The following MAP7 variants were observed in gnomAD, a reference collection of about 807,000 sequenced individuals.
MAP7 encodes microtubule associated protein 7, also known as ensconsin.
In MAP7, 52 loss-of-function variants were observed where a neutral mutation model predicts 94.8. The ratio of observed to expected loss-of-function variants is 0.55; its 90% CI spans 0.44 to 0.69. The LOEUF is 0.69. Ranked by LOEUF, MAP7 falls within the 30% of genes least tolerant of loss-of-function variation. MAP7 has a pLI of 0.00. For synonymous variants in MAP7, 350 were observed against 357.0 expected, an observed-to-expected ratio of 0.98 and a Z score of 0.22; for missense variants, 940 against 964.6, an observed-to-expected ratio of 0.97 and a Z score of 0.34.
chr6:136,507,488 A>AG (rs1263325337), intron 1 of MAP7, among the ~76,000 whole-genome samples: 2 of 151,738 alleles, frequency 1.3e-5, no homozygotes, highest in Admixed American at 6.5e-5. Flanking sequence ...AAAAAAAAAA[A>AG]AAAAGAAAAA....
At chr6:136,366,122 G>A (rs755877402) in intron 9 of MAP7, 104 bp from the exon 10 acceptor site, 55 of 1,253,228 alleles carry the variant, frequency 4.4e-5, no homozygotes, top group South Asian at 1.2e-4. Flanking sequence ...ATTTAGCTCC[G>A]TGTATTTGTT....
intron 8 of MAP7, among the ~76,000 whole-genome samples, chr6:136,368,824 C>T (rs1342001102): frequency 6.6e-6 from 1 of 152,208 alleles, no homozygotes; most frequent in African/African-American, 2.4e-5. Flanking sequence ...GATGTCACTA[C>T]TACCAAAAGG....
rs752566834 is a variant in MAP7, at chr6:136,362,413, AC to A, written c.1526+36del. 1.9e-6 allele frequency: 3 copies of A among 1,606,452 alleles called. No individual in the cohort carries two copies. The African/African-American group carries it at 4.0e-5, about 21-fold the overall frequency. ...GGGTGATGAGTTAATCCAAAGTATC[AC>A]TGACACCATGGTGTGGAGCAATGTC... On this transcript the variant is annotated intron_variant, in intron 11 of 17. Coordinates refer to ENST00000354570, the MANE Select transcript of MAP7 (RefSeq NM_003980.6).
At position 136,362,614 on chromosome 6, in the gene MAP7, G is replaced by C; in HGVS notation, c.1362C>G (p.Val454=). 1 of 1,613,670 alleles carries C rather than the reference G, an allele frequency of 6.2e-7. No individual in the cohort carries two copies. Among genetic ancestry groups the C allele is most frequent in the Non-Finnish European group, 8.5e-7 (1 of 1,179,870 alleles). The stretch of plus-strand genomic sequence containing the variant: ...CATTCACAGTGGATGACGGGGCTGA[G>C]ACCATGGCTGGGGTGGGGACCGGGG... ...APAPVPTPAM[V]SAPSSTVNAS... The change falls in exon 11 of 18, where the codon GTC becomes GTG. Residue 454 remains valine (V), a synonymous_variant. Transcript: ENST00000354570.
At chr6:136,408,217 C>T (rs1786231801) in intron 3 of MAP7, among the ~76,000 whole-genome samples, 1 of 152,088 alleles carries the variant, frequency 6.6e-6, no homozygotes, top group African/African-American at 2.4e-5. Context: ...GACTTTTCTA[C>T]GTATAAAGCG....
At chr6:136,466,810 T>G in intron 1 of MAP7, 1 of 1,534,788 alleles carries the variant, frequency 6.5e-7, no homozygotes, top group Non-Finnish European at 8.7e-7. Context: ...TTGAATATCC[T>G]GCAACATATC....
rs771999494 is a variant in MAP7, at chr6:136,372,644, G to A, written c.752-19C>T. On this transcript the variant is annotated intron_variant, in intron 7 of 17. Coordinates refer to ENST00000354570, the MANE Select transcript of MAP7 (RefSeq NM_003980.6). ...CAAGATGCTGAACGAGGACAAATGG[G>A]GATAACTAGGGTGCAGGTGATTGGT... is the stretch of plus-strand genomic sequence containing the variant. 6.2e-7 allele frequency: 1 copy of A among 1,614,120 alleles called. No individual in the cohort carries two copies. The highest frequency in any genetic ancestry group is 1.1e-5 in the South Asian group (1 of 91,072).
chr6:136,526,077 C>T, intron 1 of MAP7: 3 of 1,431,594 alleles, frequency 2.1e-6, no homozygotes, highest in Non-Finnish European at 2.7e-6. Flanking sequence ...TTCATTTGAG[C>T]ACTTGTAATA....
intron 1 of MAP7, among the ~76,000 whole-genome samples, chr6:136,465,273 T>C (rs1806605952): frequency 6.6e-6 from 1 of 152,228 alleles, no homozygotes. Context: ...TTTTGACCAA[T>C]TATCTGGATT....
chr6:136,385,974 T>C lies in MAP7; in HGVS notation c.527-2193A>G, dbSNP rs530921715. 2.2e-3 allele frequency among the ~76,000 whole-genome samples: 338 copies of C among 152,266 alleles called. 1 individual carries two copies. Among genetic ancestry groups the C allele is most frequent in the African/African-American group, 7.6e-3 (317 of 41,544 alleles). On this transcript the variant is annotated intron_variant, in intron 5 of 17. Transcript: ENST00000354570. The stretch of plus-strand genomic sequence containing the variant: ...TTAGTAGAGATATGATTTCTCCATG[T>C]TGACCAGGCTGGTCTCGAACTCCTG...
At chr6:136,416,534 G>A (rs530520782) in intron 2 of MAP7, among the ~76,000 whole-genome samples, 40 of 152,254 alleles carry the variant, frequency 2.6e-4, no homozygotes, top group African/African-American at 7.7e-4. Flanking sequence ...AGCCAGGCGC[G>A]GTGACTCACA....
chr6:136,384,371 T>C (rs1778600203), intron 5 of MAP7, among the ~76,000 whole-genome samples: 1 of 152,250 alleles, frequency 6.6e-6, no homozygotes, highest in South Asian at 2.1e-4. Flanking sequence ...AACGTTCCTT[T>C]ATTAAAAATC....
rs1248397082 is a variant in MAP7 at position 136,466,841 on chromosome 6, C to T, written c.68-45042G>A. On this transcript the variant is annotated intron_variant, in intron 1 of 17. Coordinates refer to ENST00000354570, the MANE Select transcript of MAP7 (RefSeq NM_003980.6). The stretch of plus-strand genomic sequence containing the variant: ...ATATCTGCATGTCTCCCTCTTCTTG[C>T]TTTGTGTCCCTCAGCCAGGCAAAGA... The T allele has an allele frequency of 4.6e-6, 7 of 1,532,852 alleles. No individual in the cohort carries two copies. The Admixed American group carries it at 1.4e-4, about 30-fold the overall frequency. 95.0% of individuals were successfully genotyped at this position (1,532,852 alleles called of 1,614,324 possible).
intron 1 of MAP7, among the ~76,000 whole-genome samples, chr6:136,529,792 G>A (rs1394462130): frequency 6.6e-6 from 1 of 152,090 alleles, no homozygotes; most frequent in African/African-American, 2.4e-5. Flanking sequence ...ATAGGCCCCC[G>A]AGCAACTGCA....
intron 1 of MAP7, among the ~76,000 whole-genome samples, chr6:136,505,538 C>T (rs1171548762): frequency 5.3e-5 from 8 of 151,390 alleles, no homozygotes; most frequent in African/African-American, 1.9e-4. Flanking sequence ...GCTAGACAAT[C>T]GCTAGGCATC....
intron 3 of MAP7, among the ~76,000 whole-genome samples, chr6:136,403,836 G>T (rs1163563036): frequency 6.6e-6 from 1 of 152,180 alleles, no homozygotes; most frequent in Non-Finnish European, 1.5e-5. Flanking sequence ...TGATACAGCT[G>T]CTCTGTTATG....
chr6:136,361,056 C>T lies in MAP7; in HGVS notation c.1650G>A (p.Ala550=). ...REKEEQLQRQ[A]EERALREREE... is the part of the protein sequence containing the mutation. ...CCCGCTCGCGCAGCGCCCGCTCCTC[C>T]GCCTGCCGCTGCAGCTGCTCCTCCT... is the stretch of plus-strand genomic sequence containing the variant. The change falls in exon 12 of 18, where the codon GCG becomes GCA. Residue 550 remains alanine (A), a synonymous_variant. Coordinates refer to ENST00000354570, the MANE Select transcript of MAP7 (RefSeq NM_003980.6). 3 of 1,593,710 alleles carry T rather than the reference C, an allele frequency of 1.9e-6. No individual in the cohort carries two copies. Among genetic ancestry groups the T allele is most frequent in the South Asian group, 1.1e-5 (1 of 90,086 alleles).
intron 1 of MAP7, among the ~76,000 whole-genome samples, chr6:136,490,632 C>T (rs779413721): frequency 1.3e-5 from 2 of 152,172 alleles, no homozygotes; most frequent in Non-Finnish European, 2.9e-5. Flanking sequence ...AAATGGGATC[C>T]CTCAGGTACC....
At chr6:136,520,563 T>A (rs1466514352) in intron 1 of MAP7, among the ~76,000 whole-genome samples, 4 of 152,162 alleles carry the variant, frequency 2.6e-5, no homozygotes, top group Non-Finnish European at 5.9e-5. Context: ...TGTGCATGGA[T>A]GATTTCATTA....
Sources: allele counts gnomAD v4.1 joint callset (sites outside exome capture counted in the v4.1 genomes callset), GRCh38; gene constraint gnomAD v4.1.1; transcripts MANE v1.5; gene names NCBI Gene and HGNC (gene_info 2026-07-23, HGNC 2026-07-21).